TRPC1: variants seen among roughly 807,000 people sequenced by gnomAD.
TRPC1 encodes the protein transient receptor potential cation channel subfamily C member 1, also known as short transient receptor potential channel 1.
A neutral mutation model predicts 88.2 loss-of-function variants in TRPC1; 42 were observed. That is an observed-to-expected ratio of 0.48 (90% CI 0.37 to 0.62). The LOEUF (loss-of-function observed/expected upper bound fraction) is 0.62, where lower values mean the gene tolerates loss of function less well. TRPC1 is among the 20% of genes least tolerant of loss of function. The probability of loss-of-function intolerance (pLI) is 0.00; values close to 1 mark genes in which losing one functional copy is unlikely to be tolerated. For missense variants in TRPC1, 699 were observed against 957.3 expected, an observed-to-expected ratio of 0.73 and a Z score of 3.56; for synonymous variants, 288 against 331.8, an observed-to-expected ratio of 0.87 and a Z score of 1.43.
intron 4 of TRPC1, among the ~76,000 whole-genome samples, chr3:142,769,597 C>G (rs1178165331): frequency 6.6e-6 from 1 of 152,128 alleles, no homozygotes; most frequent in Non-Finnish European, 1.5e-5. Flanking sequence ...TTTCTTTCAT[C>G]TCAGTTTTTT....
chr3:142,748,432 A>G lies in TRPC1; in HGVS notation c.604A>G (p.Asn202Asp). The G allele has an allele frequency of 6.2e-7, 1 of 1,614,122 alleles. No individual in the cohort carries two copies. The highest frequency in any genetic ancestry group is 1.3e-5 in the African/African-American group (1 of 75,070). The part of the protein sequence containing the change: ...GCECTLCSAK[N>D]KKDSLRHSRF... ...TGAATGCACATTGTGTTCTGCAAAA[A>G]ACAAAAAGGATAGCCTCCGGCATTC... The change falls in exon 4 of 13, where the codon AAC becomes GAC. Residue 202 changes from asparagine (N) to aspartate (D), a missense_variant. By Grantham distance (23) the Asn-to-Asp change is conservative. Coordinates refer to ENST00000476941, the MANE Select transcript of TRPC1 (RefSeq NM_001251845.2).
intron 4 of TRPC1, among the ~76,000 whole-genome samples, chr3:142,750,686 C>G (rs536146249): frequency 5.3e-5 from 8 of 152,214 alleles, no homozygotes; most frequent in South Asian, 4.1e-4. Context: ...CAATGATAGA[C>G]TGGATAAAGA....
chr3:142,741,061 T>C (rs1047927095), intron 2 of TRPC1, among the ~76,000 whole-genome samples: 1 of 151,962 alleles, frequency 6.6e-6, no homozygotes, highest in African/African-American at 2.4e-5. Context: ...AGATAAATTC[T>C]AAGGTAGGAA....
At chr3:142,799,798 T>C (rs1936561908) in intron 9 of TRPC1, among the ~76,000 whole-genome samples, 1 of 152,126 alleles carries the variant, frequency 6.6e-6, no homozygotes, top group African/African-American at 2.4e-5. Context: ...AAACTCTGTC[T>C]CTTAAAAATT....
At chr3:142,777,912 C>T (rs750227987) in intron 5 of TRPC1, 149 bp downstream of exon 5, 12 of 828,838 alleles carry the variant, frequency 1.4e-5, no homozygotes, top group Non-Finnish European at 2.1e-5. Flanking sequence ...GACCCCTGCT[C>T]TCCCTCAAAG....
chr3:142,804,108 A>G lies in TRPC1; in HGVS notation c.1889A>G (p.Asn630Ser). The change falls in exon 11 of 13, where the codon AAT (asparagine) becomes AGT (serine). Residue 630 changes from asparagine (N) to serine (S), a missense_variant. By Grantham distance (46) the Asn-to-Ser change is conservative. Coordinates refer to ENST00000476941, the MANE Select transcript of TRPC1 (RefSeq NM_001251845.2). ...GGAGCTGTCATTGTTGGTACATACA[A>G]TGTCGTGGTTGTGATTGTGCTTACC... ...FVGAVIVGTY[N>S]VVVVIVLTKL... 1 of 1,613,932 alleles carries G rather than the reference A, an allele frequency of 6.2e-7. No individual in the cohort carries two copies. Among genetic ancestry groups the G allele is most frequent in the Non-Finnish European group, 8.5e-7 (1 of 1,179,924 alleles).
rs373415534 is a variant in TRPC1, at chr3:142,806,460, G to GTAGA, written c.*231_*234dup. ...TTTTTGCAGAAGCAAAACAGATTAA[G>GTAGA]TAGATAGATTTTGTTAGCATGCTGC... On this transcript the variant is annotated 3_prime_UTR_variant, in exon 13 of 13. Transcript: ENST00000476941. 1 of 326,628 alleles carries GTAGA rather than the reference G, an allele frequency of 3.1e-6. No individual in the cohort carries two copies. The highest frequency in any genetic ancestry group is 5.6e-6 in the Non-Finnish European group (1 of 179,738). 20.2% of individuals were successfully genotyped at this position (326,628 alleles called of 1,614,324 possible). A position where few individuals can be genotyped will look rare whatever the true frequency, so the allele number is the denominator to read the frequency against.
intron 1 of TRPC1, among the ~76,000 whole-genome samples, chr3:142,725,413 C>T (rs1304855147): frequency 6.6e-6 from 1 of 152,066 alleles, no homozygotes; most frequent in Non-Finnish European, 1.5e-5. Context: ...TTTATTGCTC[C>T]CAGATCTTTC....
chr3:142,774,715 A>T (rs1935698239), intron 4 of TRPC1, among the ~76,000 whole-genome samples: 1 of 148,404 alleles, frequency 6.7e-6, no homozygotes, highest in Admixed American at 6.7e-5. Context: ...AGTTTTATGT[A>T]TTTTTTTTTT....
At chr3:142,731,423 C>T (rs938596627) in intron 1 of TRPC1, among the ~76,000 whole-genome samples, 2 of 124,080 alleles carry the variant, frequency 1.6e-5, no homozygotes, top group Non-Finnish European at 3.1e-5. Context: ...CTCGCTCTGT[C>T]GCCCAGGCTA....
intron 4 of TRPC1, among the ~76,000 whole-genome samples, chr3:142,760,091 G>A (rs1935130902): frequency 6.6e-6 from 1 of 152,144 alleles, no homozygotes. Context: ...CTCCCAAAGT[G>A]TTGGGATTAC....
At position 142,724,961 on chromosome 3, in the gene TRPC1, G is replaced by A. The variant is rs919514800; in HGVS notation, c.172+230G>A. On this transcript the variant is annotated intron_variant, in intron 1 of 12. Coordinates refer to ENST00000476941, the MANE Select transcript of TRPC1 (RefSeq NM_001251845.2). This position sits in a 1 kb window ranked among gnomAD's most constrained non-coding sequence, Gnocchi z 5.6. ...CCCTCGGAGCGCTGCACCGTCGGGG[G>A]TGGCTCTGGCCTTGGGGTCCGGGGT... Among the ~76,000 whole-genome samples the A allele has an allele frequency of 2.6e-5, 4 of 152,338 alleles. No individual in the cohort carries two copies. The highest frequency in any genetic ancestry group is 7.2e-5 in the African/African-American group (3 of 41,594).
chr3:142,740,212 G>A (rs895850069), intron 2 of TRPC1, among the ~76,000 whole-genome samples: 4 of 152,228 alleles, frequency 2.6e-5, no homozygotes, highest in African/African-American at 9.6e-5. Context: ...TGAATATTTT[G>A]ATTTGGAGTG....
In TRPC1 at chr3:142,807,111, T is replaced by C. The variant is rs1274481996; in HGVS notation, c.*876T>C. On this transcript the variant is annotated 3_prime_UTR_variant, in exon 13 of 13. Coordinates refer to ENST00000476941, the MANE Select transcript of TRPC1 (RefSeq NM_001251845.2). Reference sequence around the variant, plus strand: ...TTTTTTTTTCAAGTTGGAGTGAATGTTTTTAGTTTTAAGATAGATAGGAGA... The same window carrying C: ...TTTTTTTTTCAAGTTGGAGTGAATGCTTTTAGTTTTAAGATAGATAGGAGA... 2 of 152,066 alleles carry C rather than the reference T, an allele frequency of 1.3e-5. No individual in the cohort carries two copies. The highest frequency in any genetic ancestry group is 2.4e-5 in the African/African-American group (1 of 41,428). The allele number at this position is 152,066 out of a possible 1,614,324, so 9.4% of individuals were successfully genotyped here. A position where few individuals can be genotyped will look rare whatever the true frequency, so the allele number is the denominator to read the frequency against.
chr3:142,785,926 T>G (rs1323912576), intron 7 of TRPC1, among the ~76,000 whole-genome samples: 3 of 152,220 alleles, frequency 2.0e-5, no homozygotes, highest in Non-Finnish European at 2.9e-5. Flanking sequence ...GATAGCCAGA[T>G]CTCTTTAGAA....
intron 12 of TRPC1, 94 bp downstream of exon 12, chr3:142,804,724 G>T: frequency 8.2e-7 from 1 of 1,215,682 alleles, no homozygotes. Context: ...GTTCCCTAAG[G>T]GCTGTGACTG....
chr3:142,730,611 T>TG (rs1324071535), intron 1 of TRPC1, among the ~76,000 whole-genome samples: 1 of 151,808 alleles, frequency 6.6e-6, no homozygotes, highest in Admixed American at 6.6e-5. Flanking sequence ...CATGGGTTTT[T>TG]TTTTTTTTTC....
rs537830216 is a variant in TRPC1 at position 142,794,967 on chromosome 3, T to C, written c.1581+2000T>C. 2.0e-5 allele frequency among the ~76,000 whole-genome samples: 3 copies of C among 152,122 alleles called. No individual in the cohort carries two copies. In the East Asian group the frequency reaches 5.8e-4, roughly 29 times the overall value. ...TCTTCAGCAGTTATTATTATTGTGT[T>C]CCATATGTACAAAAAGTTTAAAGTT... On this transcript the variant is annotated intron_variant, in intron 9 of 12. Transcript: ENST00000476941.
At chr3:142,750,362 G>T (rs777470551) in intron 4 of TRPC1, among the ~76,000 whole-genome samples, 1 of 152,186 alleles carries the variant, frequency 6.6e-6, no homozygotes, top group African/African-American at 2.4e-5. Context: ...AAACCACAGT[G>T]AGATACCATC....
Sources: allele counts gnomAD v4.1 joint callset (sites outside exome capture counted in the v4.1 genomes callset), GRCh38; gene constraint gnomAD v4.1.1; non-coding constraint Gnocchi (gnomAD v3.1); transcripts MANE v1.5; gene names NCBI Gene and HGNC (gene_info 2026-07-23, HGNC 2026-07-21).